Variants in ALX4 observed in about 807,000 individuals in gnomAD.
ALX4 encodes ALX homeobox 4, also known as homeobox protein aristaless-like 4.
A neutral mutation model predicts 40.6 loss-of-function variants in ALX4; 22 were observed. That is an observed-to-expected ratio of 0.54 (90% CI 0.39 to 0.77). The LOEUF is 0.77. Ranked by LOEUF, ALX4 falls within the 30% of genes least tolerant of loss-of-function variation. ALX4 has a pLI of 0.00. For synonymous variants in ALX4, 266 were observed against 240.5 expected (o/e 1.11, Z -0.98); for missense variants, 556 against 564.8 (o/e 0.98, Z 0.16).
At chr11:44,301,753 T>A (rs1956435913) in intron 1 of ALX4, among the ~76,000 whole-genome samples, 1 of 151,746 alleles carries the variant, frequency 6.6e-6, no homozygotes, top group Admixed American at 6.6e-5. Context: ...GTTCCTGCCC[T>A]CCTACTAACC....
intron 2 of ALX4, among the ~76,000 whole-genome samples, chr11:44,273,827 C>A (rs1024900541): frequency 6.6e-6 from 1 of 152,128 alleles, no homozygotes; most frequent in Admixed American, 6.6e-5. Flanking sequence ...GTGGTGTATG[C>A]CTGTGGTCCC....
At position 44,264,198 on chromosome 11, in the gene ALX4, C is replaced by T. The variant is rs1956199374; in HGVS notation, c.*656G>A. 1 of 154,250 alleles carries T rather than the reference C, an allele frequency of 6.5e-6. No homozygotes were observed. The highest frequency in any genetic ancestry group is 6.5e-5 in the Admixed American group (1 of 15,426). The allele number at this position is 154,250 out of a possible 1,614,324, so 9.6% of individuals were successfully genotyped here. On this transcript the variant is annotated 3_prime_UTR_variant, in exon 4 of 4. Coordinates refer to ENST00000652299, the MANE Select transcript of ALX4 (RefSeq NM_021926.4). Reference sequence around the variant, plus strand: ...GCAGCAGGGGTCCTCGGCTCCAGCTCCTGTCATCCTCTGCCCACTCTCTCC... The same window carrying T: ...GCAGCAGGGGTCCTCGGCTCCAGCTTCTGTCATCCTCTGCCCACTCTCTCC...
chr11:44,267,357 G>A, intron 3 of ALX4, 137 bp downstream of exon 3: 1 of 1,163,146 alleles, frequency 8.6e-7, no homozygotes, highest in South Asian at 1.5e-5. Flanking sequence ...GTATAAACAG[G>A]CACACCCCTG....
chr11:44,294,264 G>A (rs1481579410), intron 1 of ALX4, among the ~76,000 whole-genome samples: 1 of 152,210 alleles, frequency 6.6e-6, no homozygotes, highest in Non-Finnish European at 1.5e-5. Flanking sequence ...TGCCCACCAG[G>A]TGCTTTCTTA....
chr11:44,273,559 A>G (rs972438195), intron 2 of ALX4, among the ~76,000 whole-genome samples: 3 of 152,232 alleles, frequency 2.0e-5, no homozygotes, highest in African/African-American at 4.8e-5. Context: ...GTGGGAATAC[A>G]GTGATGAACA....
chr11:44,295,063 C>T (rs992595951), intron 1 of ALX4, among the ~76,000 whole-genome samples: 1 of 152,100 alleles, frequency 6.6e-6, no homozygotes, highest in African/African-American at 2.4e-5. Flanking sequence ...GTTGGCCAGG[C>T]TGGTCTCAAA....
intron 1 of ALX4, among the ~76,000 whole-genome samples, chr11:44,288,011 C>T (rs1225916167): frequency 6.6e-6 from 1 of 152,172 alleles, no homozygotes; most frequent in Non-Finnish European, 1.5e-5. Context: ...AAGTCTTGCT[C>T]TGTTGCCCAG....
chr11:44,304,731 G>T (rs185708743), intron 1 of ALX4, among the ~76,000 whole-genome samples: 4 of 152,362 alleles, frequency 2.6e-5, no homozygotes, highest in Admixed American at 6.5e-5. Context: ...GGGCAGGAAG[G>T]CGCTGAGACC....
At chr11:44,267,400 G>A in intron 3 of ALX4, 94 bp downstream of exon 3, 1 of 1,536,160 alleles carries the variant, frequency 6.5e-7, no homozygotes, top group South Asian at 1.2e-5. Context: ...GGAGCCATAA[G>A]TCATCTCGGG....
chr11:44,283,687 C>T (rs1956322537), intron 1 of ALX4, among the ~76,000 whole-genome samples: 1 of 152,172 alleles, frequency 6.6e-6, no homozygotes, highest in Non-Finnish European at 1.5e-5. Context: ...CCTCGGCCTC[C>T]TGAGTAGCCA....
chr11:44,267,815 C>T (rs978776058), intron 2 of ALX4, among the ~76,000 whole-genome samples, 193 bp from the exon 3 acceptor site: 1 of 152,210 alleles, frequency 6.6e-6, no homozygotes, highest in African/African-American at 2.4e-5. Context: ...CCACTCTGAG[C>T]TGGGAAGGTA....
At chr11:44,295,651 A>C (rs1014112863) in intron 1 of ALX4, among the ~76,000 whole-genome samples, 8 of 152,222 alleles carry the variant, frequency 5.3e-5, no homozygotes, top group African/African-American at 1.9e-4. Context: ...AATCTAACAG[A>C]AAATCTTCAA....
chr11:44,299,811 C>T lies in ALX4; in HGVS notation c.466+9786G>A, dbSNP rs193214826. Among the ~76,000 whole-genome samples, 436 of 152,314 alleles carry T rather than the reference C, an allele frequency of 2.9e-3. 3 individuals are homozygous for T. In the Middle Eastern group the frequency reaches 0.037, roughly 13 times the overall value. ...GCCAGCAAGACTCGACTCTTCCTTC[C>T]TGGCTGTCTCACTGTGGACGAGTTA... On this transcript the variant is annotated intron_variant, in intron 1 of 3. Transcript: ENST00000652299.
intron 1 of ALX4, among the ~76,000 whole-genome samples, chr11:44,308,375 C>T (rs1003763487): frequency 4.6e-5 from 7 of 152,230 alleles, no homozygotes; most frequent in Admixed American, 4.6e-4. Context: ...CGTGTCCCAG[C>T]CTCTGTCCCC....
rs1409740035 is a variant in ALX4, at chr11:44,279,109, T to C, written c.467-3451A>G. ...TGTCTATGTCCACCTCTCGCCACCCTGCAGCATCTCCACCTGGCGCTGGTT... is the reference window on the plus strand; with the variant it reads ...TGTCTATGTCCACCTCTCGCCACCCCGCAGCATCTCCACCTGGCGCTGGTT... On this transcript the variant is annotated intron_variant, in intron 1 of 3. Coordinates refer to ENST00000652299, the MANE Select transcript of ALX4 (RefSeq NM_021926.4). Among the ~76,000 whole-genome samples the C allele has an allele frequency of 3.3e-5, 5 of 152,246 alleles. No homozygotes were observed. In the South Asian group the frequency reaches 8.3e-4, roughly 25 times the overall value.
In ALX4 at chr11:44,275,335, G is replaced by A. The variant is rs746505736; in HGVS notation, c.777+13C>T. 1.2e-6 allele frequency: 2 copies of A among 1,614,078 alleles called. No individual in the cohort carries two copies. Among genetic ancestry groups the A allele is most frequent in the South Asian group, 1.1e-5 (1 of 91,084 alleles). ...TGCTTTACCAGCCTCACTCCCAGGT[G>A]GCCCTCACTGACCTGCACGCGGGCC... On this transcript the variant is annotated intron_variant, in intron 2 of 3. Transcript: ENST00000652299.
chr11:44,301,159 G>A (rs1956432235), intron 1 of ALX4, among the ~76,000 whole-genome samples: 1 of 152,250 alleles, frequency 6.6e-6, no homozygotes, highest in Non-Finnish European at 1.5e-5. Context: ...ATGGAATCAA[G>A]CCTCTCAGTC....
chr11:44,296,478 A>G (rs1956403176), intron 1 of ALX4, among the ~76,000 whole-genome samples: 1 of 152,246 alleles, frequency 6.6e-6, no homozygotes, highest in African/African-American at 2.4e-5. Context: ...CAAAATGTAA[A>G]ACTTCTGTGC....
At chr11:44,281,924 G>C (rs528679014) in intron 1 of ALX4, among the ~76,000 whole-genome samples, 73 of 152,336 alleles carry the variant, frequency 4.8e-4, no homozygotes, top group Non-Finnish European at 9.3e-4. Flanking sequence ...AGAGGGTGGG[G>C]TGGAAATGGC....
Sources: allele counts gnomAD v4.1 joint callset (sites outside exome capture counted in the v4.1 genomes callset), GRCh38; gene constraint gnomAD v4.1.1; transcripts MANE v1.5; gene names NCBI Gene and HGNC (gene_info 2026-07-23, HGNC 2026-07-21).